Variants in ANKRD44 observed in about 807,000 individuals in gnomAD.
ANKRD44 encodes serine/threonine-protein phosphatase 6 regulatory ankyrin repeat subunit B.
A neutral mutation model predicts 116.0 loss-of-function variants in ANKRD44; 35 were observed. The observed-to-expected ratio is 0.30, with a 90% CI of 0.23 to 0.40. The LOEUF (loss-of-function observed/expected upper bound fraction) is 0.40. Ranked by LOEUF, ANKRD44 falls within the 10% of genes least tolerant of loss-of-function variation. The pLI, the probability that ANKRD44 is intolerant of heterozygous loss-of-function variation, is 1.00. For missense variants in ANKRD44, 1,014 were observed against 1,242.6 expected, an observed-to-expected ratio of 0.82 and a Z score of 2.77; for synonymous variants, 435 against 461.8, an observed-to-expected ratio of 0.94 and a Z score of 0.74.
chr2:197,044,656 G>C (rs2076969910), intron 16 of ANKRD44, among the ~76,000 whole-genome samples: 1 of 152,252 alleles, frequency 6.6e-6, no homozygotes, highest in Middle Eastern at 3.4e-3. Context: ...ACCGCACCCA[G>C]ACTATGATGG....
intron 3 of ANKRD44, among the ~76,000 whole-genome samples, chr2:197,139,307 G>A (rs762697431): frequency 5.3e-5 from 8 of 152,190 alleles, no homozygotes; most frequent in South Asian, 2.1e-4. Flanking sequence ...TGGTATACCC[G>A]TACAATGGAA....
At chr2:197,273,983 ATATATATATATATATATAT>A (rs2082993116) in intron 1 of ANKRD44, among the ~76,000 whole-genome samples, 7 of 28,246 alleles carry the variant, frequency 2.5e-4, no homozygotes, top group African/African-American at 9.9e-4. Flanking sequence ...AAAAAAAAAT[ATATATATATATATATATAT>A]ATATATATAT....
chr2:197,293,754 C>G (rs1329557715), intron 1 of ANKRD44, among the ~76,000 whole-genome samples: 2 of 152,140 alleles, frequency 1.3e-5, no homozygotes, highest in African/African-American at 4.8e-5. Flanking sequence ...AGGCAATATC[C>G]TTATGGCCTT....
intron 1 of ANKRD44, among the ~76,000 whole-genome samples, chr2:197,231,562 G>T (rs186662686): frequency 6.6e-6 from 1 of 152,172 alleles, no homozygotes; most frequent in East Asian, 1.9e-4. Context: ...TCTCGACAGG[G>T]CAGTTTGCCT....
At chr2:197,021,971 T>A (rs1402550204) in intron 17 of ANKRD44, among the ~76,000 whole-genome samples, 4 of 152,232 alleles carry the variant, frequency 2.6e-5, no homozygotes, top group Non-Finnish European at 5.9e-5. Flanking sequence ...TTTCTTAATT[T>A]AATCTTTTCA....
intron 17 of ANKRD44, among the ~76,000 whole-genome samples, chr2:197,023,501 C>T (rs920887599): frequency 9.9e-5 from 15 of 152,080 alleles, no homozygotes; most frequent in Admixed American, 2.6e-4. Context: ...TATCACCACC[C>T]TATCTTTACG....
chr2:197,182,456 A>C (rs1269429741), intron 2 of ANKRD44, among the ~76,000 whole-genome samples: 2 of 152,220 alleles, frequency 1.3e-5, no homozygotes, highest in Non-Finnish European at 2.9e-5. Flanking sequence ...ATTTATCCTC[A>C]TTGGGAGAAA....
intron 23 of ANKRD44, 51 bp from the exon 24 acceptor site, chr2:196,999,103 G>T: frequency 6.3e-7 from 1 of 1,590,046 alleles, no homozygotes. Context: ...CTTTATTCTC[G>T]CTAGTTACTG....
intron 1 of ANKRD44, among the ~76,000 whole-genome samples, chr2:197,236,483 A>G (rs375974398): frequency 6.6e-6 from 1 of 152,278 alleles, no homozygotes; most frequent in African/African-American, 2.4e-5. Context: ...GCCAATAAAA[A>G]AGAGGGTGTT....
chr2:197,248,126 G>T (rs2082232177), intron 1 of ANKRD44, among the ~76,000 whole-genome samples: 1 of 152,174 alleles, frequency 6.6e-6, no homozygotes, highest in South Asian at 2.1e-4. Flanking sequence ...CTGCTGCAGG[G>T]ACAGAGTGCA....
intron 1 of ANKRD44, 83 bp from the exon 2 acceptor site, chr2:197,187,189 C>A: frequency 7.2e-7 from 1 of 1,389,140 alleles, no homozygotes; most frequent in South Asian, 1.2e-5. Flanking sequence ...AAGATTTGTT[C>A]CTTAAAAGTT....
intron 4 of ANKRD44, among the ~76,000 whole-genome samples, chr2:197,126,301 C>T (rs1002858948): frequency 1.3e-5 from 2 of 152,212 alleles, no homozygotes; most frequent in Non-Finnish European, 2.9e-5. Context: ...ATGATGATGT[C>T]CTTACAATGT....
intron 2 of ANKRD44, among the ~76,000 whole-genome samples, chr2:197,159,285 TACTC>T (rs1195174542): frequency 6.6e-6 from 1 of 152,220 alleles, no homozygotes; most frequent in Admixed American, 6.5e-5. Flanking sequence ...TTATGTGTAA[TACTC>T]ACAATAAAAA....
intron 2 of ANKRD44, among the ~76,000 whole-genome samples, chr2:197,186,553 C>T (rs1027187898): frequency 6.7e-5 from 10 of 149,796 alleles, no homozygotes; most frequent in Non-Finnish European, 1.0e-4. Context: ...CAGCCTCGAA[C>T]TCCTGGGCTC....
chr2:197,250,436 G>A (rs889259911), intron 1 of ANKRD44, among the ~76,000 whole-genome samples: 1 of 152,226 alleles, frequency 6.6e-6, no homozygotes, highest in African/African-American at 2.4e-5. Context: ...TGTGGCAAAT[G>A]GGAATAGGAC....
At chr2:197,077,891 G>T (rs910067421) in intron 16 of ANKRD44, 3 of 152,112 alleles carry the variant, frequency 2.0e-5, no homozygotes, top group African/African-American at 7.2e-5. Flanking sequence ...AATCAAAGGG[G>T]GGTAATTTCA....
At chr2:197,193,777 G>C (rs2080881275) in intron 1 of ANKRD44, among the ~76,000 whole-genome samples, 1 of 152,130 alleles carries the variant, frequency 6.6e-6, no homozygotes, top group African/African-American at 2.4e-5. Flanking sequence ...AGCTGCTCAG[G>C]AGGCTGAGGC....
chr2:197,016,700 CA>C (rs1458130339), intron 17 of ANKRD44, among the ~76,000 whole-genome samples: 1 of 151,988 alleles, frequency 6.6e-6, no homozygotes, highest in Non-Finnish European at 1.5e-5. Context: ...AATTTAATAG[CA>C]TTAAGATTAC....
chr2:197,249,079 T>G (rs2082260600), intron 1 of ANKRD44, among the ~76,000 whole-genome samples: 1 of 152,108 alleles, frequency 6.6e-6, no homozygotes, highest in African/African-American at 2.4e-5. Flanking sequence ...GTGACCAGCC[T>G]GGGAAACACA....
Sources: gnomAD v4.1 joint callset for allele counts (sites outside exome capture counted in the v4.1 genomes callset) on GRCh38, gnomAD v4.1.1 for gene constraint, MANE v1.5 for transcripts, NCBI Gene and HGNC (gene_info 2026-07-23, HGNC 2026-07-21) for gene names.